CRPPA: variants seen among roughly 807,000 people sequenced by gnomAD.
CRPPA encodes CDP-L-ribitol pyrophosphorylase A.
In CRPPA, 43 loss-of-function variants were observed where a neutral mutation model predicts 52.0. That is an observed-to-expected ratio of 0.83 (90% CI 0.65 to 1.07). CRPPA has a LOEUF of 1.07. Among genes scored for constraint, CRPPA ranks in the 50% least tolerant of loss-of-function variants. The pLI, the probability that CRPPA is intolerant of heterozygous loss-of-function variation, is 0.00. For missense variants in CRPPA, 629 were observed against 551.7 expected, an observed-to-expected ratio of 1.14 and a Z score of -1.40; for synonymous variants, 250 against 203.5, an observed-to-expected ratio of 1.23 and a Z score of -1.94.
At chr7:16,347,711 G>A (rs995961259) in intron 3 of CRPPA, among the ~76,000 whole-genome samples, 15 of 152,208 alleles carry the variant, frequency 9.9e-5, no homozygotes, top group Non-Finnish European at 2.2e-4. Context: ...CACACTGGAT[G>A]GGCAGAAAAA....
chr7:16,109,317 C>A (rs1474609576), intron 9 of CRPPA, among the ~76,000 whole-genome samples: 2 of 151,620 alleles, frequency 1.3e-5, no homozygotes, highest in Non-Finnish European at 3.0e-5. Context: ...AGAATAAATG[C>A]ATAAATTCCT....
At chr7:16,172,956 A>G (rs1034673722) in intron 9 of CRPPA, among the ~76,000 whole-genome samples, 1 of 152,252 alleles carries the variant, frequency 6.6e-6, no homozygotes, top group South Asian at 2.1e-4. Context: ...TTTGTTTTCA[A>G]CTGGAGAAAT....
chr7:16,365,965 T>G (rs1363889507), intron 3 of CRPPA, among the ~76,000 whole-genome samples: 1 of 152,186 alleles, frequency 6.6e-6, no homozygotes, highest in African/African-American at 2.4e-5. Context: ...TAGTAAGTGC[T>G]TTACTCCACT....
chr7:16,211,087 C>G (rs1260875451), intron 9 of CRPPA, among the ~76,000 whole-genome samples: 1 of 151,844 alleles, frequency 6.6e-6, no homozygotes, highest in Admixed American at 6.6e-5. Context: ...CCAAATGTAC[C>G]CTGAAAATAC....
At chr7:16,394,587 A>T (rs995371217) in intron 2 of CRPPA, among the ~76,000 whole-genome samples, 2 of 152,194 alleles carry the variant, frequency 1.3e-5, no homozygotes, top group African/African-American at 4.8e-5. Flanking sequence ...AAAGTTCTTC[A>T]GTAGTTTTTT....
intron 9 of CRPPA, among the ~76,000 whole-genome samples, chr7:16,121,205 G>A (rs1286773867): frequency 6.6e-6 from 1 of 152,016 alleles, no homozygotes; most frequent in African/African-American, 2.4e-5. Flanking sequence ...ACTTATCTGA[G>A]AAAACATGCT....
intron 8 of CRPPA, among the ~76,000 whole-genome samples, chr7:16,256,567 G>A (rs1424654167): frequency 6.6e-6 from 1 of 152,154 alleles, no homozygotes. Flanking sequence ...TACACACCAT[G>A]GAATACTATG....
chr7:16,245,813 G>C (rs746539264), intron 8 of CRPPA, among the ~76,000 whole-genome samples: 1 of 152,074 alleles, frequency 6.6e-6, no homozygotes, highest in Non-Finnish European at 1.5e-5. Context: ...ACTATCATCC[G>C]TTACGTGCAC....
intron 3 of CRPPA, among the ~76,000 whole-genome samples, chr7:16,329,442 T>C (rs1785499242): frequency 6.6e-6 from 1 of 152,214 alleles, no homozygotes; most frequent in South Asian, 2.1e-4. Flanking sequence ...TATCTGGTAA[T>C]GTATTATCTG....
chr7:16,166,413 G>A (rs1311735039), intron 9 of CRPPA, among the ~76,000 whole-genome samples: 1 of 152,034 alleles, frequency 6.6e-6, no homozygotes, highest in Admixed American at 6.6e-5. Flanking sequence ...CCAGGTAGCT[G>A]GGATTACAGG....
intron 6 of CRPPA, among the ~76,000 whole-genome samples, chr7:16,261,540 A>T (rs950114728): frequency 6.6e-6 from 1 of 152,036 alleles, no homozygotes; most frequent in Non-Finnish European, 1.5e-5. Context: ...TAAATTTTTC[A>T]TTTTAATTCA....
chr7:16,326,875 G>C (rs1487930436), intron 3 of CRPPA, among the ~76,000 whole-genome samples: 1 of 134,414 alleles, frequency 7.4e-6, no homozygotes, highest in Non-Finnish European at 1.7e-5. Context: ...GAGCAATTTT[G>C]TCAAGAGCCT....
intron 2 of CRPPA, among the ~76,000 whole-genome samples, chr7:16,394,612 G>GTAT (rs1025871503): frequency 6.6e-6 from 1 of 152,110 alleles, no homozygotes. Context: ...TTCAGAATGT[G>GTAT]TATTCATGGG....
chr7:16,167,965 G>A (rs571327656), intron 9 of CRPPA, among the ~76,000 whole-genome samples: 17 of 152,098 alleles, frequency 1.1e-4, no homozygotes, highest in Non-Finnish European at 2.2e-4. Context: ...GTGTAAATAC[G>A]CAAATACTTG....
At chr7:16,301,516 G>T in intron 4 of CRPPA, 50 bp from the exon 5 acceptor site, 5 of 1,398,522 alleles carry the variant, frequency 3.6e-6, no homozygotes, top group Non-Finnish European at 5.0e-6. Context: ...GAAGGAATGT[G>T]CAAGCAATAA....
At chr7:16,182,818 T>C (rs1781437362) in intron 9 of CRPPA, among the ~76,000 whole-genome samples, 1 of 152,160 alleles carries the variant, frequency 6.6e-6, no homozygotes, top group African/African-American at 2.4e-5. Flanking sequence ...GGATTTCTTT[T>C]ACCTAACCTG....
At chr7:16,139,887 C>T (rs1462597479) in intron 9 of CRPPA, among the ~76,000 whole-genome samples, 1 of 151,574 alleles carries the variant, frequency 6.6e-6, no homozygotes, top group Non-Finnish European at 1.5e-5. Context: ...ATCACTTTTC[C>T]AGAGCAGATA....
intron 3 of CRPPA, among the ~76,000 whole-genome samples, chr7:16,358,201 C>T (rs1379164448): frequency 1.3e-5 from 2 of 152,078 alleles, no homozygotes; most frequent in East Asian, 3.9e-4. Flanking sequence ...ACACACATGG[C>T]CATGGCAGCT....
At chr7:16,265,054 C>T (rs759935947) in intron 6 of CRPPA, among the ~76,000 whole-genome samples, 2 of 152,176 alleles carry the variant, frequency 1.3e-5, no homozygotes, top group Non-Finnish European at 2.9e-5. Flanking sequence ...AAGATGTCTT[C>T]TCTATAGCTT....
Sources: allele counts gnomAD v4.1 joint callset (sites outside exome capture counted in the v4.1 genomes callset), GRCh38; gene constraint gnomAD v4.1.1; transcripts MANE v1.5; gene names NCBI Gene and HGNC (gene_info 2026-07-23, HGNC 2026-07-21).